LPIN3: variants seen among roughly 807,000 people sequenced by gnomAD.
LPIN3 encodes the protein phosphatidate phosphatase LPIN3.
In LPIN3, 82 loss-of-function variants were observed where a neutral mutation model predicts 94.7. The ratio of observed to expected loss-of-function variants is 0.87; its 90% CI spans 0.72 to 1.04. The LOEUF is 1.04. LPIN3 is among the 50% of genes least tolerant of loss of function. LPIN3 has a pLI of 0.00. For synonymous variants in LPIN3, 418 were observed against 443.3 expected, an observed-to-expected ratio of 0.94 and a Z score of 0.72; for missense variants, 996 against 1,090.5, an observed-to-expected ratio of 0.91 and a Z score of 1.22.
chr20:41,352,259 G>A, intron 9 of LPIN3, 39 bp downstream of exon 9: 1 of 1,609,102 alleles, frequency 6.2e-7, no homozygotes, highest in Non-Finnish European at 8.5e-7. Flanking sequence ...GAGGGCTGGT[G>A]CTGAGCCCAG....
At chr20:41,357,518 C>A in intron 16 of LPIN3, 71 bp downstream of exon 16, 1 of 1,360,478 alleles carries the variant, frequency 7.4e-7, no homozygotes, top group South Asian at 1.2e-5. Flanking sequence ...CAGGACAGGA[C>A]ATCTTGGGGA....
At chr20:41,356,978 G>A in intron 14 of LPIN3, 62 bp from the exon 15 acceptor site, 2 of 1,581,640 alleles carry the variant, frequency 1.3e-6, no homozygotes, top group Non-Finnish European at 1.7e-6. Context: ...CGGCGTAAGG[G>A]GAGAGGTAGG....
At chr20:41,347,461 G>T in intron 2 of LPIN3, 91 bp from the exon 3 acceptor site, 1 of 1,221,456 alleles carries the variant, frequency 8.2e-7, no homozygotes, top group Admixed American at 1.8e-5. Flanking sequence ...GTTTGGGGCG[G>T]CAAGGAGCCA....
Position 41,357,463 on chromosome 20 carries a change from G to C in LPIN3, c.2039+16G>C, listed in dbSNP as rs1242313396. On this transcript the variant is annotated intron_variant, in intron 16 of 19. Coordinates refer to ENST00000373257, the MANE Select transcript of LPIN3 (RefSeq NM_022896.3). Reference sequence around the variant, plus strand: ...AAATCCAACTGTGAGTGCCTGGGCTGGGGCTGGGGCTGAGGCGAGGCCCCC... The same window carrying C: ...AAATCCAACTGTGAGTGCCTGGGCTCGGGCTGGGGCTGAGGCGAGGCCCCC... 1.3e-6 allele frequency: 2 copies of C among 1,551,966 alleles called. No individual in the cohort carries two copies. Among genetic ancestry groups the C allele is most frequent in the Non-Finnish European group, 1.8e-6 (2 of 1,129,304 alleles).
At chr20:41,347,676 C>G in intron 3 of LPIN3, 29 bp downstream of exon 3, 1 of 1,570,998 alleles carries the variant, frequency 6.4e-7, no homozygotes, top group Non-Finnish European at 8.7e-7. Context: ...CAGCACCTGC[C>G]CCGCCCACCC....
At chr20:41,353,677 G>A (rs2046105906) in intron 11 of LPIN3, among the ~76,000 whole-genome samples, 1 of 152,234 alleles carries the variant, frequency 6.6e-6, no homozygotes, top group African/African-American at 2.4e-5. Context: ...CATGGAGGAT[G>A]GTGCCCTCCT....
chr20:41,349,645 A>T lies in LPIN3; in HGVS notation c.639-129A>T, dbSNP rs865895488. The T allele has an allele frequency of 6.9e-5, 79 of 1,140,472 alleles. No individual in the cohort carries two copies. In the Middle Eastern group the frequency reaches 1.8e-3, roughly 25 times the overall value. 70.6% of individuals were successfully genotyped at this position (1,140,472 alleles called of 1,614,324 possible). Reference sequence around the variant, plus strand: ...ATTTGTATACTCTTTAGATCTTTACATATTCCTTATATATTATGGATTCAA... The same window carrying T: ...ATTTGTATACTCTTTAGATCTTTACTTATTCCTTATATATTATGGATTCAA... On this transcript the variant is annotated intron_variant, in intron 5 of 19. Coordinates refer to ENST00000373257, the MANE Select transcript of LPIN3 (RefSeq NM_022896.3).
At chr20:41,352,257 G>A (rs1343172061) in intron 9 of LPIN3, 37 bp downstream of exon 9, 1 of 1,610,850 alleles carries the variant, frequency 6.2e-7, no homozygotes, top group Non-Finnish European at 8.5e-7. Context: ...TTGAGGGCTG[G>A]TGCTGAGCCC....
Position 41,358,000 on chromosome 20 carries a change from C to CT in LPIN3, c.2159dup (p.Ser721ValfsTer28), listed in dbSNP as rs1277801321. 6.2e-7 allele frequency: 1 copy of CT among 1,610,690 alleles called. No individual in the cohort carries two copies. The highest frequency in any genetic ancestry group is 1.3e-5 in the African/African-American group (1 of 74,974). ...TAGCCTCCCCAAGGGCCCCATCCTT[C>CT]TGTCTCCCAGCAGCCTCTTCTCTGC... On this transcript the variant is annotated frameshift_variant, in exon 17 of 20. Transcript: ENST00000373257. LOFTEE classifies it high-confidence loss of function.
intron 17 of LPIN3, 78 bp downstream of exon 17, chr20:41,358,112 G>A: frequency 6.3e-7 from 1 of 1,577,450 alleles, no homozygotes; most frequent in Non-Finnish European, 8.6e-7. Flanking sequence ...GCCTTAGCAG[G>A]CTGGCATTAA....
In LPIN3 at chr20:41,349,867, G is replaced by A. The variant is rs2044412472; in HGVS notation, c.732G>A (p.Met244Ile). 1.2e-6 allele frequency: 2 copies of A among 1,613,404 alleles called. No homozygotes were observed. Among genetic ancestry groups the A allele is most frequent in the African/African-American group, 1.3e-5 (1 of 74,932 alleles). Residue 244 changes from methionine to isoleucine, a missense_variant, in exon 6 of 20, where the codon ATG becomes ATA. Transcript: ENST00000373257. ...GTCCCCTAAGAGCCGAGTCCCACATGCAGTGGGCCTGGGGGAGGCTGCCTA... is the reference window on the plus strand; with the variant it reads ...GTCCCCTAAGAGCCGAGTCCCACATACAGTGGGCCTGGGGGAGGCTGCCTA... ...EPSPLRAESH[M>I]QWAWGRLPKV...
Position 41,359,116 on chromosome 20 carries a change from C to G in LPIN3, c.*250C>G. ...AATTAGCTTGTCATCTGGGCCCTTG[C>G]AGGGTTCTTTTTTTTTTTTTTTTTT... On this transcript the variant is annotated 3_prime_UTR_variant, in exon 20 of 20. Coordinates refer to ENST00000373257, the MANE Select transcript of LPIN3 (RefSeq NM_022896.3). 7.6e-6 allele frequency: 2 copies of G among 262,546 alleles called. No homozygotes were observed. Among genetic ancestry groups the G allele is most frequent in the Non-Finnish European group, 1.4e-5 (2 of 143,614 alleles). 16.3% of individuals were successfully genotyped at this position (262,546 alleles called of 1,614,324 possible).
rs1260632347 is a variant in LPIN3, at chr20:41,357,128, T to G, written c.1892T>G (p.Ile631Ser). The G allele has an allele frequency of 1.2e-6, 2 of 1,614,018 alleles. No individual in the cohort carries two copies. The highest frequency in any genetic ancestry group is 1.7e-6 in the Non-Finnish European group (2 of 1,180,026). The stretch of plus-strand genomic sequence containing the variant: ...GGCACCTGCCGCTGCAAGGCCACCA[T>G]CTACCTGTGGAAATGGGACGACAAG... Reference protein sequence around the residue: ...YQGTCRCKATIYLWKWDDKVV... With the variant: ...YQGTCRCKATSYLWKWDDKVV... Residue 631 changes from isoleucine (I) to serine (S), a missense_variant, in exon 15 of 20, where the codon ATC becomes AGC. Transcript: ENST00000373257.
chr20:41,347,657 C>T lies in LPIN3; in HGVS notation c.288+10C>T, dbSNP rs2146937693. On this transcript the variant is annotated intron_variant, in intron 3 of 19. Transcript: ENST00000373257. The stretch of plus-strand genomic sequence containing the variant: ...GCTGGAGAGCGATGATGTGAGTCTG[C>T]CCTCCTAACAGCACCTGCCCCGCCC... 1 of 1,608,490 alleles carries T rather than the reference C, an allele frequency of 6.2e-7. No homozygotes were observed. Among genetic ancestry groups the T allele is most frequent in the South Asian group, 1.1e-5 (1 of 90,356 alleles).
rs761368025 is a variant in LPIN3 at position 41,357,874 on chromosome 20, A to C, written c.2040-8A>C. 6.2e-7 allele frequency: 1 copy of C among 1,613,776 alleles called. No homozygotes were observed. Among genetic ancestry groups the C allele is most frequent in the South Asian group, 1.1e-5 (1 of 91,078 alleles). ...ATGGCTCTATGCCACCCTGTCCCCC[A>C]CTCTCAGAAATGGGTACAAGTTCCT... is the stretch of plus-strand genomic sequence containing the variant. On this transcript the variant is annotated splice_region_variant and splice_polypyrimidine_tract_variant and intron_variant, in intron 16 of 19. Transcript: ENST00000373257.
At chr20:41,354,523 C>A in intron 11 of LPIN3, 122 bp from the exon 12 acceptor site, 1 of 871,444 alleles carries the variant, frequency 1.1e-6, no homozygotes, top group Middle Eastern at 2.7e-4. Context: ...CAGATGTTGA[C>A]AGCACCTTAC....
intron 1 of LPIN3, among the ~76,000 whole-genome samples, chr20:41,343,963 G>A (rs2146909865): frequency 6.6e-6 from 1 of 152,268 alleles, no homozygotes; most frequent in Admixed American, 6.5e-5. Flanking sequence ...TCAGGAGGCT[G>A]AGGCAGGAGG....
Position 41,358,423 on chromosome 20 carries a change from C to T in LPIN3, c.2308-16C>T. 1 of 1,613,216 alleles carries T rather than the reference C, an allele frequency of 6.2e-7. No homozygotes were observed. The highest frequency in any genetic ancestry group is 1.3e-5 in the African/African-American group (1 of 75,040). ...CTGCAGGCCTCCATTCCATGGGCCC[C>T]TCCTGTCTCCCACAGGATGTCTTTG... On this transcript the variant is annotated splice_polypyrimidine_tract_variant and intron_variant, in intron 18 of 19. Transcript: ENST00000373257.
chr20:41,352,899 G>A (rs1181797685), intron 11 of LPIN3, 32 bp downstream of exon 11: 1 of 1,611,098 alleles, frequency 6.2e-7, no homozygotes, highest in South Asian at 1.1e-5. Flanking sequence ...CCCCTGCTGG[G>A]GAAGGTAGCC....
Sources: gnomAD v4.1 joint callset for allele counts (sites outside exome capture counted in the v4.1 genomes callset) on GRCh38, gnomAD v4.1.1 for gene constraint, MANE v1.5 for transcripts, NCBI Gene and HGNC (gene_info 2026-07-23, HGNC 2026-07-21) for gene names.